Variants in PRG4 observed in about 807,000 individuals in gnomAD.
PRG4 encodes proteoglycan 4.
PRG4 carries 61 observed loss-of-function variants against 91.2 expected under a neutral mutation model. That is an observed-to-expected ratio of 0.67 (90% CI 0.54 to 0.83). The LOEUF (loss-of-function observed/expected upper bound fraction) is 0.83, where lower values mean the gene tolerates loss of function less well. PRG4 is among the 40% of genes least tolerant of loss of function. The pLI is 0.00. For missense variants in PRG4, 1,564 were observed against 1,714.2 expected (o/e 0.91, Z 1.55); for synonymous variants, 576 against 614.2 (o/e 0.94, Z 0.92).
chr1:186,307,725 C>A lies in PRG4; in HGVS notation c.2006C>A (p.Pro669His). Residue 669 changes from proline to histidine, a missense_variant, in exon 7 of 13, where the codon CCC (proline) becomes CAC (histidine). Physicochemically the swap from Pro to His is moderately conservative, Grantham distance 77. Transcript: ENST00000445192. ...TTPEEPAPTTPKAAAPNTPKE... is the reference protein window; with the variant it reads ...TTPEEPAPTTHKAAAPNTPKE... ...CCTGAGGAGCCTGCTCCCACCACTC[C>A]CAAGGCAGCGGCTCCCAACACCCCT... 6.2e-7 allele frequency: 1 copy of A among 1,612,034 alleles called. No individual in the cohort carries two copies. The highest frequency in any genetic ancestry group is 8.5e-7 in the Non-Finnish European group (1 of 1,179,480).
chr1:186,311,699 GAAATC>G, intron 10 of PRG4, 103 bp downstream of exon 10: 1 of 1,225,320 alleles, frequency 8.2e-7, no homozygotes, highest in Non-Finnish European at 1.2e-6. Context: ...TTTAATGGCT[GAAATC>G]AAATATTTTC....
intron 8 of PRG4, 61 bp from the exon 9 acceptor site, chr1:186,310,973 G>C: frequency 1.3e-6 from 2 of 1,583,258 alleles, no homozygotes; most frequent in Non-Finnish European, 1.7e-6. Context: ...TTTCATTTTG[G>C]TTTCTTTTGT....
rs781736419 is a variant in PRG4, at chr1:186,307,135, G to A, written c.1416G>A (p.Lys472=). The stretch of plus-strand genomic sequence containing the variant: ...CCAAGGAGCCTGCACCCACCACCAA[G>A]GAGCCTGCACCCACCACTCCCAAAG... ...TTPKEPAPTT[K]EPAPTTPKEP... The change falls in exon 7 of 13, where the codon AAG becomes AAA. Residue 472 remains lysine (K), a synonymous_variant. Coordinates refer to ENST00000445192, the MANE Select transcript of PRG4 (RefSeq NM_005807.6). The A allele has an allele frequency of 7.3e-7, 1 of 1,376,826 alleles. No homozygotes were observed. Among genetic ancestry groups the A allele is most frequent in the Non-Finnish European group, 9.5e-7 (1 of 1,050,244 alleles). The allele number at this position is 1,376,826 out of a possible 1,614,324, so 85.3% of individuals were successfully genotyped here.
At position 186,311,116 on chromosome 1, in the gene PRG4, C is replaced by G. The variant is rs747510179; in HGVS notation, c.3582C>G (p.Pro1194=). ...CTGAAGTTTGGGGTATTCCTTCCCC[C>G]ATTGATACTGTTTTTACTAGGTGCA... The part of the protein sequence containing the change: ...RITEVWGIPS[P]IDTVFTRCNC... Residue 1194 remains proline, a synonymous_variant, in exon 9 of 13, where the codon CCC becomes CCG. Transcript: ENST00000445192. 118 of 1,613,306 alleles carry G rather than the reference C, an allele frequency of 7.3e-5. No homozygotes were observed. Among genetic ancestry groups the G allele is most frequent in the Non-Finnish European group, 9.7e-5 (114 of 1,179,408 alleles).
rs767963494 is a variant in PRG4 at position 186,308,677 on chromosome 1, TACA to T, written c.2963_2965del (p.Thr988del). ...CAACTACTCTTGCACCCAAAGTAAC[TACA>T]ACAAAAAAGACAATTACTACCACTG... On this transcript the variant is annotated inframe_deletion, in exon 7 of 13. Coordinates refer to ENST00000445192, the MANE Select transcript of PRG4 (RefSeq NM_005807.6). 1.9e-6 allele frequency: 3 copies of T among 1,610,684 alleles called. No homozygotes were observed. Among genetic ancestry groups the T allele is most frequent in the Non-Finnish European group, 2.5e-6 (3 of 1,179,276 alleles).
In PRG4 at chr1:186,307,908, C is replaced by T. The variant is rs201317498; in HGVS notation, c.2189C>T (p.Pro730Leu). The change falls in exon 7 of 13, where the codon CCC becomes CTC. Residue 730 changes from proline to leucine, a missense_variant. This residue lies in a region of PRG4 where 1,079 missense variants were observed against 1,162.2 expected (regional missense o/e 0.93). Transcript: ENST00000445192. ...CCCACTACTCCCAAGAAGCCTGCCC[C>T]CAAGGAGCTTGCACCCACCACCACC... ...PAPTTPKKPAPKELAPTTTKE... is the reference protein window; with the variant it reads ...PAPTTPKKPALKELAPTTTKE... 224 of 1,611,466 alleles carry T rather than the reference C, an allele frequency of 1.4e-4. 1 individual carries two copies. The highest frequency in any genetic ancestry group is 3.3e-5 in the Admixed American group (2 of 59,762).
chr1:186,299,309 T>C (rs1345553973), intron 2 of PRG4, among the ~76,000 whole-genome samples: 3 of 152,216 alleles, frequency 2.0e-5, no homozygotes, highest in African/African-American at 7.2e-5. Flanking sequence ...AGCATCTGCC[T>C]CCCCTGACAT....
At chr1:186,305,028 G>T in intron 6 of PRG4, 106 bp downstream of exon 6, 2 of 1,191,030 alleles carry the variant, frequency 1.7e-6, no homozygotes, top group South Asian at 2.7e-5. Context: ...AATATGGGGG[G>T]GAATATAACT....
In PRG4 at chr1:186,307,692, C is replaced by T. The variant is rs773137526; in HGVS notation, c.1973C>T (p.Pro658Leu). Reference sequence around the variant, plus strand: ...CCCACCACCCCTGAGGAGCCCACACCCACCACCCCTGAGGAGCCTGCTCCC... The same window carrying T: ...CCCACCACCCCTGAGGAGCCCACACTCACCACCCCTGAGGAGCCTGCTCCC... ...LAPTTPEEPTPTTPEEPAPTT... is the reference protein window; with the variant it reads ...LAPTTPEEPTLTTPEEPAPTT... Residue 658 changes from proline (P) to leucine (L), a missense_variant, in exon 7 of 13, where the codon CCC becomes CTC. By Grantham distance (98) the Pro-to-Leu change is moderately conservative (BLOSUM62 -3). This residue lies in a region of PRG4 where 1,079 missense variants were observed against 1,162.2 expected (regional missense o/e 0.93). Transcript: ENST00000445192. 2.9e-5 allele frequency: 47 copies of T among 1,610,058 alleles called. No homozygotes were observed. The highest frequency in any genetic ancestry group is 4.0e-5 in the Non-Finnish European group (47 of 1,179,030).
intron 2 of PRG4, among the ~76,000 whole-genome samples, chr1:186,297,274 A>G (rs1388216623): frequency 6.6e-6 from 1 of 152,182 alleles, no homozygotes; most frequent in Non-Finnish European, 1.5e-5. Flanking sequence ...AAAATAACTA[A>G]AAAAGAACAA....
At position 186,313,978 on chromosome 1, in the gene PRG4, A is replaced by G. The variant is rs181194443; in HGVS notation, c.*200A>G. Reference sequence around the variant, plus strand: ...TTATTGTTTACAGACCATTTAATTAATATTTCCTCTGTTTATTCCTCCTCT... The same window carrying G: ...TTATTGTTTACAGACCATTTAATTAGTATTTCCTCTGTTTATTCCTCCTCT... On this transcript the variant is annotated 3_prime_UTR_variant, in exon 13 of 13. Coordinates refer to ENST00000445192, the MANE Select transcript of PRG4 (RefSeq NM_005807.6). 1 of 1,611,706 alleles carries G rather than the reference A, an allele frequency of 6.2e-7. No individual in the cohort carries two copies. The highest frequency in any genetic ancestry group is 1.3e-5 in the African/African-American group (1 of 74,900).
At chr1:186,306,046 G>T (rs140229881) in intron 6 of PRG4, among the ~76,000 whole-genome samples, 1 of 152,116 alleles carries the variant, frequency 6.6e-6, no homozygotes, top group East Asian at 1.9e-4. Context: ...GTTATTTATC[G>T]TGTTGGTAAT....
At chr1:186,305,938 A>G (rs921444143) in intron 6 of PRG4, among the ~76,000 whole-genome samples, 3 of 152,204 alleles carry the variant, frequency 2.0e-5, no homozygotes, top group Admixed American at 2.0e-4. Context: ...AGATGGTAGT[A>G]CTAGGTTTCC....
intron 2 of PRG4, among the ~76,000 whole-genome samples, chr1:186,299,335 A>T (rs918921666): frequency 1.3e-5 from 2 of 152,220 alleles, no homozygotes; most frequent in Non-Finnish European, 2.9e-5. Context: ...AAATCCAGTT[A>T]TCCCCACCAA....
intron 2 of PRG4, among the ~76,000 whole-genome samples, chr1:186,299,077 C>T (rs1028026369): frequency 6.6e-6 from 1 of 152,172 alleles, no homozygotes; most frequent in African/African-American, 2.4e-5. Context: ...GACAGTACAC[C>T]TGCCAATTTC....
At chr1:186,309,466 T>A (rs1050840389) in intron 7 of PRG4, among the ~76,000 whole-genome samples, 2 of 152,198 alleles carry the variant, frequency 1.3e-5, no homozygotes, top group Admixed American at 1.3e-4. Flanking sequence ...TTTTCCAAAC[T>A]AACCCAAAGG....
Position 186,307,884 on chromosome 1 carries a change from C to T in PRG4, c.2165C>T (p.Pro722Leu), listed in dbSNP as rs1414996525. The T allele has an allele frequency of 5.6e-6, 9 of 1,611,084 alleles. No homozygotes were observed. The highest frequency in any genetic ancestry group is 1.1e-5 in the South Asian group (1 of 90,930). ...CCAACTACCCTCAAGGAACCTGCAC[C>T]CACTACTCCCAAGAAGCCTGCCCCC... is the stretch of plus-strand genomic sequence containing the variant. ...TAPTTLKEPA[P>L]TTPKKPAPKE... Residue 722 changes from proline to leucine, a missense_variant, in exon 7 of 13, where the codon CCC becomes CTC. Physicochemically the swap from Pro to Leu is moderately conservative, Grantham distance 98. This residue lies in a region of PRG4 where 1,079 missense variants were observed against 1,162.2 expected (regional missense o/e 0.93). Coordinates refer to ENST00000445192, the MANE Select transcript of PRG4 (RefSeq NM_005807.6).
In PRG4 at chr1:186,312,463, G is replaced by A. The variant is rs1657338671; in HGVS notation, c.3991+91G>A. On this transcript the variant is annotated intron_variant, in intron 11 of 12. Coordinates refer to ENST00000445192, the MANE Select transcript of PRG4 (RefSeq NM_005807.6). ...GTAAGGCTTATGAAATATGGATACT[G>A]ATCAAACAGCCCTAATAATTTAAGC... The A allele has an allele frequency of 8.2e-6, 10 of 1,223,084 alleles. No homozygotes were observed. The Admixed American group carries it at 2.3e-4, about 28-fold the overall frequency. The allele number at this position is 1,223,084 out of a possible 1,614,324, so 75.8% of individuals were successfully genotyped here.
chr1:186,301,131 C>T (rs1052767309), intron 3 of PRG4, among the ~76,000 whole-genome samples: 1 of 151,938 alleles, frequency 6.6e-6, no homozygotes, highest in Non-Finnish European at 1.5e-5. Context: ...ATTTTTAAGC[C>T]TCAAAAATGA....
Sources: gnomAD v4.1 joint callset for allele counts (sites outside exome capture counted in the v4.1 genomes callset) on GRCh38, gnomAD v4.1.1 for gene constraint, gnomAD v4.1.1 regional missense constraint, MANE v1.5 for transcripts, NCBI Gene and HGNC (gene_info 2026-07-23, HGNC 2026-07-21) for gene names.